The following VWA8 variants were observed in gnomAD, a reference collection of about 807,000 sequenced individuals.
VWA8 encodes the protein von Willebrand factor A domain containing 8, also known as von Willebrand factor A domain-containing protein 8.
A neutral mutation model predicts 241.5 loss-of-function variants in VWA8; 221 were observed. The observed-to-expected ratio is 0.91, with a 90% CI of 0.82 to 1.02. The LOEUF is 1.02. Among genes scored for constraint, VWA8 ranks in the 50% least tolerant of loss-of-function variants. The pLI, the probability that VWA8 is intolerant of heterozygous loss-of-function variation, is 0.00. For missense variants in VWA8, 2,322 were observed against 2,328.7 expected (o/e 1.00, Z 0.06); for synonymous variants, 852 against 827.1 (o/e 1.03, Z -0.52).
intron 18 of VWA8, among the ~76,000 whole-genome samples, chr13:41,785,177 A>G (rs1216207724): frequency 6.6e-6 from 1 of 152,146 alleles, no homozygotes; most frequent in Non-Finnish European, 1.5e-5. Context: ...AGGACCTTCT[A>G]TGTGCCAGAT....
intron 37 of VWA8, among the ~76,000 whole-genome samples, chr13:41,623,618 C>T (rs1202544980): frequency 1.3e-5 from 2 of 152,142 alleles, no homozygotes; most frequent in African/African-American, 4.8e-5. Flanking sequence ...ATTACAGTTG[C>T]CCACTATCTT....
intron 21 of VWA8, among the ~76,000 whole-genome samples, chr13:41,749,943 C>T (rs1177639873): frequency 6.6e-6 from 1 of 151,908 alleles, no homozygotes; most frequent in Admixed American, 6.6e-5. Flanking sequence ...TTAGTGGGTG[C>T]AGCACACCAA....
At chr13:41,785,510 G>A (rs749177412) in intron 18 of VWA8, among the ~76,000 whole-genome samples, 27 of 151,380 alleles carry the variant, frequency 1.8e-4, no homozygotes, top group Non-Finnish European at 2.9e-4. Flanking sequence ...ACTAGAATGC[G>A]ACTTTTGTGC....
In VWA8 at chr13:41,760,022, G is replaced by C. The variant is rs549056922; in HGVS notation, c.2426+1106C>G. Among the ~76,000 whole-genome samples, 93 of 151,848 alleles carry C rather than the reference G, an allele frequency of 6.1e-4. 3 individuals are homozygous for C. The South Asian group carries it at 0.018, about 30-fold the overall frequency. On this transcript the variant is annotated intron_variant, in intron 21 of 44. Coordinates refer to ENST00000379310, the MANE Select transcript of VWA8 (RefSeq NM_015058.2). Reference sequence around the variant, plus strand: ...AGGGCTTAGTTTTAAAATTTGTAAAGATAGGTATGGAGTAACTCTTACTTT... The same window carrying C: ...AGGGCTTAGTTTTAAAATTTGTAAACATAGGTATGGAGTAACTCTTACTTT...
chr13:41,782,019 GA>G (rs1863432856), intron 19 of VWA8, among the ~76,000 whole-genome samples: 1 of 152,180 alleles, frequency 6.6e-6, no homozygotes, highest in African/African-American at 2.4e-5. Context: ...AGCATAAAAG[GA>G]AGTAATAATA....
chr13:41,832,412 G>C (rs1345563344), intron 13 of VWA8, among the ~76,000 whole-genome samples: 3 of 152,078 alleles, frequency 2.0e-5, no homozygotes, highest in Non-Finnish European at 4.4e-5. Context: ...TGTCTGCAGT[G>C]GTCTGGGAGA....
At chr13:41,929,369 T>A (rs1256844080) in intron 2 of VWA8, among the ~76,000 whole-genome samples, 2 of 152,094 alleles carry the variant, frequency 1.3e-5, no homozygotes, top group African/African-American at 4.8e-5. Context: ...CCATGGCTGA[T>A]CTTGAACTCC....
intron 21 of VWA8, among the ~76,000 whole-genome samples, chr13:41,754,365 A>G (rs1183360238): frequency 6.6e-6 from 1 of 152,162 alleles, no homozygotes. Context: ...GCCTTCTGCC[A>G]TGATTGTGAG....
At chr13:41,874,544 GACAA>G (rs1172420799) in intron 9 of VWA8, among the ~76,000 whole-genome samples, 7 of 152,104 alleles carry the variant, frequency 4.6e-5, no homozygotes, top group South Asian at 2.1e-4. Flanking sequence ...ACCAATAACA[GACAA>G]ACAGAGAGCC....
intron 39 of VWA8, among the ~76,000 whole-genome samples, chr13:41,608,205 G>T (rs1220801305): frequency 4.6e-5 from 7 of 152,080 alleles, no homozygotes; most frequent in Non-Finnish European, 8.8e-5. Context: ...CACACCACAT[G>T]CTGTTTTAAT....
intron 16 of VWA8, among the ~76,000 whole-genome samples, chr13:41,814,070 T>G (rs1212748915): frequency 6.6e-6 from 1 of 152,142 alleles, no homozygotes; most frequent in African/African-American, 2.4e-5. Context: ...TATAAAAGAA[T>G]GAAAATGTAG....
Position 41,868,356 on chromosome 13 carries a change from A to T in VWA8, c.1202T>A (p.Val401Glu), listed in dbSNP as rs771936205. 1.9e-5 allele frequency: 31 copies of T among 1,613,844 alleles called. No homozygotes were observed. Among genetic ancestry groups the T allele is most frequent in the Non-Finnish European group, 2.6e-5 (31 of 1,179,974 alleles). ...CCTGTGATTAATTACCTTAATGGTC[A>T]CCTCTTTATCTGCAATCCGGATGGT... is the stretch of plus-strand genomic sequence containing the variant. ...SVTIRIADKEVTIKVPAGTRL... is the reference protein window; with the variant it reads ...SVTIRIADKEETIKVPAGTRL... The change falls in exon 10 of 45, where the codon GTG (valine) becomes GAG (glutamate). Residue 401 changes from valine to glutamate, a missense_variant. Transcript: ENST00000379310.
intron 35 of VWA8, among the ~76,000 whole-genome samples, chr13:41,678,980 A>C (rs2045079212): frequency 6.6e-6 from 1 of 152,202 alleles, no homozygotes; most frequent in South Asian, 2.1e-4. Context: ...TATTTACAAA[A>C]AGATTCTTGA....
chr13:41,914,007 C>T (rs1240809743), intron 2 of VWA8, among the ~76,000 whole-genome samples: 1 of 152,130 alleles, frequency 6.6e-6, no homozygotes, highest in African/African-American at 2.4e-5. Flanking sequence ...TTTGGGAGGC[C>T]GAGGCAGGTG....
At chr13:41,874,456 C>T (rs1270181162) in intron 9 of VWA8, among the ~76,000 whole-genome samples, 2 of 152,066 alleles carry the variant, frequency 1.3e-5, no homozygotes, top group African/African-American at 4.8e-5. Context: ...AGCCCAAAAT[C>T]TCCTTAAGCT....
At chr13:41,601,994 TA>T (rs2044524980) in intron 40 of VWA8, among the ~76,000 whole-genome samples, 1 of 152,066 alleles carries the variant, frequency 6.6e-6, no homozygotes, top group Non-Finnish European at 1.5e-5. Context: ...AGCTGGAAGA[TA>T]TTAGTCAACT....
At position 41,866,023 on chromosome 13, in the gene VWA8, GT is replaced by G. The variant is rs1873280778; in HGVS notation, c.1225del (p.Thr409ProfsTer4). The G allele has an allele frequency of 6.2e-7, 1 of 1,613,840 alleles. No homozygotes were observed. Among genetic ancestry groups the G allele is most frequent in the African/African-American group, 1.3e-5 (1 of 74,866 alleles). On this transcript the variant is annotated frameshift_variant, in exon 11 of 45. Coordinates refer to ENST00000379310, the MANE Select transcript of VWA8 (RefSeq NM_015058.2). LOFTEE classifies it high-confidence loss of function. The part of the protein sequence containing the change: ...KEVTIKVPAG[T>X]RLLSQPCASD... ...CGCACAAGGTTGACTTAATAGCCTG[GT>G]CCCGGCTGGCACCTATAATTAAAGA...
At chr13:41,737,311 G>A (rs567873149) in intron 21 of VWA8, among the ~76,000 whole-genome samples, 1 of 152,138 alleles carries the variant, frequency 6.6e-6, no homozygotes, top group Non-Finnish European at 1.5e-5. Context: ...TTTAAAATGA[G>A]TAATGAAATA....
chr13:41,636,250 C>A (rs2044755796), intron 37 of VWA8, among the ~76,000 whole-genome samples: 1 of 152,112 alleles, frequency 6.6e-6, no homozygotes, highest in African/African-American at 2.4e-5. Context: ...TGGAACAGAA[C>A]AGAGGCCTCA....
Sources: gnomAD v4.1 joint callset for allele counts (sites outside exome capture counted in the v4.1 genomes callset) on GRCh38, gnomAD v4.1.1 for gene constraint, MANE v1.5 for transcripts, NCBI Gene and HGNC (gene_info 2026-07-23, HGNC 2026-07-21) for gene names.